The following LRP1 variants were observed in gnomAD, a reference collection of about 807,000 sequenced individuals.
LRP1 encodes prolow-density lipoprotein receptor-related protein 1.
LRP1 carries 51 observed loss-of-function variants against 541.5 expected under a neutral mutation model. The ratio of observed to expected loss-of-function variants is 0.09; its 90% CI spans 0.08 to 0.12. LRP1 has a LOEUF of 0.12. Among genes scored for constraint, LRP1 ranks in the 10% least tolerant of loss-of-function variants. The pLI is 1.00. For synonymous variants in LRP1, 2,219 were observed against 2,470.8 expected, an observed-to-expected ratio of 0.90 and a Z score of 3.02; for missense variants, 3,878 against 6,376.2, an observed-to-expected ratio of 0.61 and a Z score of 13.34.
Position 57,154,240 on chromosome 12 carries a change from G to A in LRP1, c.874G>A (p.Gly292Ser). ...VEQMAIDWLT[G>S]NFYFVDDIDD... ...ACAGATGGCCATCGACTGGCTGACA[G>A]GCAACTTCTACTTTGTGGATGACAT... Residue 292 changes from glycine (G) to serine (S), a missense_variant, in exon 7 of 89, where the codon GGC becomes AGC. By Grantham distance (56) the Gly-to-Ser change is moderately conservative. Transcript: ENST00000243077. The surrounding 1 kb of genome is among the most constrained non-coding windows in gnomAD (Gnocchi z 4.6). 1 of 1,614,180 alleles carries A rather than the reference G, an allele frequency of 6.2e-7. No homozygotes were observed. Among genetic ancestry groups the A allele is most frequent in the Non-Finnish European group, 8.5e-7 (1 of 1,180,002 alleles).
chr12:57,136,054 C>G (rs1373824421), intron 1 of LRP1, among the ~76,000 whole-genome samples: 1 of 152,240 alleles, frequency 6.6e-6, no homozygotes, highest in African/African-American at 2.4e-5. Context: ...TCCAGCCCCC[C>G]TCTTCCCCCT....
At chr12:57,133,706 C>T (rs1034709584) in intron 1 of LRP1, among the ~76,000 whole-genome samples, 2 of 144,944 alleles carry the variant, frequency 1.4e-5, no homozygotes, top group African/African-American at 5.1e-5. Context: ...CTTTAGAGAA[C>T]CCCCCTCTCA....
rs113803047 is a variant in LRP1 at position 57,202,481 on chromosome 12, G to A, written c.10655G>A (p.Arg3552His). ...RCKNNRCVPG[R>H]WQCDYDNDCG... ...AAGAACAACCGCTGCGTGCCCGGCC[G>A]CTGGCAGTGCGACTACGACAACGAT... The change falls in exon 68 of 89, where the codon CGC (arginine) becomes CAC (histidine). Residue 3552 changes from arginine (R) to histidine (H), a missense_variant. Around this residue, in one of 13 missense-constraint regions of LRP1, gnomAD observed 278 missense variants for 536.3 expected, o/e 0.52. Transcript: ENST00000243077. The A allele has an allele frequency of 6.2e-7, 1 of 1,613,610 alleles. No homozygotes were observed. The highest frequency in any genetic ancestry group is 8.5e-7 in the Non-Finnish European group (1 of 1,180,000).
Position 57,156,327 on chromosome 12 carries a change from T to C in LRP1, c.1417+44T>C. 1.3e-6 allele frequency: 2 copies of C among 1,592,486 alleles called. No homozygotes were observed. The highest frequency in any genetic ancestry group is 1.7e-6 in the Non-Finnish European group (2 of 1,166,190). ...CCCCTCCAAAGCTGGCTTTACCCCA[T>C]GATGGCTCTGGGACCTTGGGATCAC... is the stretch of plus-strand genomic sequence containing the variant. On this transcript the variant is annotated intron_variant, in intron 9 of 88. Coordinates refer to ENST00000243077, the MANE Select transcript of LRP1 (RefSeq NM_002332.3). This position sits in a 1 kb window ranked among gnomAD's most constrained non-coding sequence, Gnocchi z 5.2.
Position 57,177,399 on chromosome 12 carries a change from G to A in LRP1, c.4197-28G>A. 1.3e-6 allele frequency: 2 copies of A among 1,571,156 alleles called. No individual in the cohort carries two copies. The highest frequency in any genetic ancestry group is 1.7e-6 in the Non-Finnish European group (2 of 1,157,432). On this transcript the variant is annotated intron_variant, in intron 25 of 88. Coordinates refer to ENST00000243077, the MANE Select transcript of LRP1 (RefSeq NM_002332.3). This position sits in a 1 kb window ranked among gnomAD's most constrained non-coding sequence, Gnocchi z 6.8. ...TCGCTCCCTGAGGGCCCTGACTTTA[G>A]CCCTCCTGACCCCTCCCCACTCCCC...
intron 52 of LRP1, 99 bp downstream of exon 52, chr12:57,195,498 G>T: frequency 6.4e-7 from 1 of 1,571,660 alleles, no homozygotes; most frequent in South Asian, 1.1e-5. Context: ...ATGCCTCAGC[G>T]GGGTCCACTG....
chr12:57,132,434 G>T (rs996530917), intron 1 of LRP1, among the ~76,000 whole-genome samples: 27 of 151,976 alleles, frequency 1.8e-4, no homozygotes, highest in African/African-American at 6.3e-4. Flanking sequence ...CCTATTCTGG[G>T]TCTCCCTTGA....
Position 57,205,371 on chromosome 12 carries a change from G to A in LRP1, c.11356G>A (p.Ala3786Thr), listed in dbSNP as rs200540915. 31 of 1,607,698 alleles carry A rather than the reference G, an allele frequency of 1.9e-5. No homozygotes were observed. Among genetic ancestry groups the A allele is most frequent in the Admixed American group, 1.8e-4 (11 of 59,854 alleles). The change falls in exon 74 of 89, where the codon GCC becomes ACC. Residue 3786 changes from alanine to threonine, a missense_variant. Transcript: ENST00000243077. This position sits in a 1 kb window ranked among gnomAD's most constrained non-coding sequence, Gnocchi z 4.6. ...CACAGACCCCAAGCTGACCAGCTGC[G>A]CCACCAATGCCAGCATCTGTGGGGA... is the stretch of plus-strand genomic sequence containing the variant. ...CSIDPKLTSC[A>T]TNASICGDEA...
Position 57,190,800 on chromosome 12 carries a change from C to T in LRP1, c.7032-5C>T, listed in dbSNP as rs1198537766. 1 of 1,613,466 alleles carries T rather than the reference C, an allele frequency of 6.2e-7. No homozygotes were observed. Among genetic ancestry groups the T allele is most frequent in the Non-Finnish European group, 8.5e-7 (1 of 1,179,794 alleles). ...CCTCCTGATCTCTGGACCCTCTTCC[C>T]CCAGCCTCATGTTCTGGACCAACTG... On this transcript the variant is annotated splice_region_variant and splice_polypyrimidine_tract_variant and intron_variant, in intron 42 of 88. Coordinates refer to ENST00000243077, the MANE Select transcript of LRP1 (RefSeq NM_002332.3).
At chr12:57,160,597 C>T (rs982645829) in intron 12 of LRP1, among the ~76,000 whole-genome samples, 2 of 152,190 alleles carry the variant, frequency 1.3e-5, no homozygotes, top group African/African-American at 2.4e-5. Flanking sequence ...TGGCCTTTAT[C>T]GCTCTCCATG....
chr12:57,207,530 C>A (rs1312744057), intron 76 of LRP1, among the ~76,000 whole-genome samples: 2 of 135,366 alleles, frequency 1.5e-5, no homozygotes, highest in African/African-American at 5.4e-5. Context: ...GACTCCGTCT[C>A]AAAAAAAAAA....
At chr12:57,135,709 C>G (rs1455973577) in intron 1 of LRP1, among the ~76,000 whole-genome samples, 1 of 152,224 alleles carries the variant, frequency 6.6e-6, no homozygotes, top group Non-Finnish European at 1.5e-5. Context: ...CTTCCTTTCA[C>G]TTGTCCCATC....
chr12:57,154,039 A>C lies in LRP1; in HGVS notation c.842-169A>C, dbSNP rs1429135890. The stretch of plus-strand genomic sequence containing the variant: ...TCTGTCAGTCAACCAGCCAGCCAGC[A>C]TTTACGCAAGCCCTCCTGTATATCC... On this transcript the variant is annotated intron_variant, in intron 6 of 88. Transcript: ENST00000243077. The surrounding 1 kb of genome is among the most constrained non-coding windows in gnomAD (Gnocchi z 4.6). 1.3e-5 allele frequency among the ~76,000 whole-genome samples: 2 copies of C among 152,100 alleles called. No individual in the cohort carries two copies. The highest frequency in any genetic ancestry group is 4.8e-5 in the African/African-American group (2 of 41,422).
rs1227929564 is a variant in LRP1, at chr12:57,197,615, C to T, written c.9233C>T (p.Thr3078Ile). 1 of 1,614,056 alleles carries T rather than the reference C, an allele frequency of 6.2e-7. No individual in the cohort carries two copies. The highest frequency in any genetic ancestry group is 8.5e-7 in the Non-Finnish European group (1 of 1,179,994). The stretch of plus-strand genomic sequence containing the variant: ...ATGATCTACTGGACAGATGTGACCA[C>T]CCAGGGCAGCATGATCCGAAGGATG... The part of the protein sequence containing the change: ...EQMIYWTDVT[T>I]QGSMIRRMHL... Residue 3078 changes from threonine to isoleucine, a missense_variant, in exon 58 of 89, where the codon ACC (threonine) becomes ATC (isoleucine). Thr to Ile is a moderately conservative substitution (Grantham distance 89, BLOSUM62 -1). This residue lies in a region of LRP1 where 1,100 missense variants were observed against 1,827.4 expected (regional missense o/e 0.60). Coordinates refer to ENST00000243077, the MANE Select transcript of LRP1 (RefSeq NM_002332.3). The surrounding 1 kb of genome is among the most constrained non-coding windows in gnomAD (Gnocchi z 4.5).
Position 57,208,804 on chromosome 12 carries a change from T to G in LRP1, c.12132T>G (p.Ile4044Met). The G allele has an allele frequency of 6.2e-7, 1 of 1,613,698 alleles. No individual in the cohort carries two copies. Among genetic ancestry groups the G allele is most frequent in the Non-Finnish European group, 8.5e-7 (1 of 1,179,774 alleles). The change falls in exon 78 of 89, where the codon ATT becomes ATG. Residue 4044 changes from isoleucine to methionine, a missense_variant. By Grantham distance (10) the Ile-to-Met change is conservative. Around this residue, in one of 13 missense-constraint regions of LRP1, gnomAD observed 871 missense variants for 1,212.4 expected, o/e 0.72. Transcript: ENST00000243077. ...TLRETLVQDNIQWPTGLAVDY... is the reference protein window; with the variant it reads ...TLRETLVQDNMQWPTGLAVDY... ...GGGAGACACTGGTGCAGGACAACAT[T>G]CAGTGGCCCACAGGTTTGTGGGGCA...
rs1357960198 is a variant in LRP1 at position 57,178,147 on chromosome 12, C to T, written c.4362-212C>T. On this transcript the variant is annotated intron_variant, in intron 26 of 88. Transcript: ENST00000243077. This position sits in a 1 kb window ranked among gnomAD's most constrained non-coding sequence, Gnocchi z 5.8. ...AAAGATTCCCTTGGGGCTTGGGAAT[C>T]GGGGCCTGAGAGGTGAAACCTGGAC... 1.3e-5 allele frequency among the ~76,000 whole-genome samples: 2 copies of T among 152,068 alleles called. No individual in the cohort carries two copies. Among genetic ancestry groups the T allele is most frequent in the African/African-American group, 4.8e-5 (2 of 41,406 alleles).
At chr12:57,187,813 G>A (rs568990982) in intron 42 of LRP1, among the ~76,000 whole-genome samples, 3 of 152,270 alleles carry the variant, frequency 2.0e-5, no homozygotes, top group East Asian at 3.9e-4. Context: ...CGAACCCTTC[G>A]TACAGAAGCC....
chr12:57,145,000 C>T lies in LRP1; in HGVS notation c.477C>T (p.Thr159=). The change falls in exon 5 of 89, where the codon ACC becomes ACT. Residue 159 remains threonine, a synonymous_variant. Transcript: ENST00000243077. ...TTGATGAGTGCTCAGTGTACGGCAC[C>T]TGCAGCCAGCTATGCACCAACACAG... ...KDFDECSVYG[T]CSQLCTNTDG... is the part of the protein sequence containing the mutation. 1.2e-6 allele frequency: 2 copies of T among 1,614,170 alleles called. No individual in the cohort carries two copies. The highest frequency in any genetic ancestry group is 1.7e-6 in the Non-Finnish European group (2 of 1,180,054).
intron 1 of LRP1, among the ~76,000 whole-genome samples, chr12:57,137,859 A>G (rs2035205993): frequency 6.6e-6 from 1 of 150,998 alleles, no homozygotes; most frequent in South Asian, 2.1e-4. Flanking sequence ...ATTCCTGCCC[A>G]GCCTTGCCCT....
Sources: allele counts gnomAD v4.1 joint callset (sites outside exome capture counted in the v4.1 genomes callset), GRCh38; gene constraint gnomAD v4.1.1; regional missense constraint gnomAD v4.1.1; non-coding constraint Gnocchi (gnomAD v3.1); transcripts MANE v1.5; gene names NCBI Gene and HGNC (gene_info 2026-07-23, HGNC 2026-07-21).